PCDH15: variants seen among roughly 807,000 people sequenced by gnomAD.
The protein encoded by PCDH15 is protocadherin related 15.
A neutral mutation model predicts 178.5 loss-of-function variants in PCDH15; 129 were observed. The ratio of observed to expected loss-of-function variants is 0.72; its 90% CI spans 0.63 to 0.84. PCDH15 has a LOEUF of 0.84. PCDH15 is among the 40% of genes least tolerant of loss of function. The pLI is 0.00. For missense variants in PCDH15, 2,230 were observed against 2,099.9 expected, an observed-to-expected ratio of 1.06 and a Z score of -1.21; for synonymous variants, 800 against 732.0, an observed-to-expected ratio of 1.09 and a Z score of -1.50.
chr10:55,565,082 A>G (rs1178313173), intron 2 of PCDH15, among the ~76,000 whole-genome samples: 1 of 151,746 alleles, frequency 6.6e-6, no homozygotes, highest in Non-Finnish European at 1.5e-5. Flanking sequence ...AATGTTTTCC[A>G]GGACGGATTA....
intron 1 of PCDH15, among the ~76,000 whole-genome samples, chr10:55,306,086 G>GACCC (rs1843417458): frequency 6.6e-6 from 1 of 152,064 alleles, no homozygotes; most frequent in Non-Finnish European, 1.5e-5. Context: ...GTAAATGGTA[G>GACCC]ACCCACCCAA....
At chr10:55,304,224 G>T (rs896647518) in intron 1 of PCDH15, among the ~76,000 whole-genome samples, 6 of 152,030 alleles carry the variant, frequency 3.9e-5, no homozygotes, top group African/African-American at 1.4e-4. Context: ...ATGCTCAGCT[G>T]CACTTTTCCT....
At chr10:55,419,965 A>C (rs2132044167) in intron 2 of PCDH15, among the ~76,000 whole-genome samples, 1 of 151,844 alleles carries the variant, frequency 6.6e-6, no homozygotes, top group Non-Finnish European at 1.5e-5. Context: ...ATGGCTCATT[A>C]GCGAAAATTA....
chr10:54,347,579 C>CATA (rs1460814215), intron 5 of PCDH15, among the ~76,000 whole-genome samples: 1 of 152,138 alleles, frequency 6.6e-6, no homozygotes, highest in African/African-American at 2.4e-5. Flanking sequence ...TTGCCTTATT[C>CATA]AGTTTTACTT....
intron 2 of PCDH15, among the ~76,000 whole-genome samples, chr10:55,151,738 C>T (rs1161154587): frequency 6.6e-6 from 1 of 151,974 alleles, no homozygotes; most frequent in Non-Finnish European, 1.5e-5. Context: ...TAAAATATAA[C>T]TGACTTTTAT....
chr10:54,432,554 C>G (rs1052670094), intron 3 of PCDH15, among the ~76,000 whole-genome samples: 6 of 152,110 alleles, frequency 3.9e-5, no homozygotes, highest in Admixed American at 3.9e-4. Context: ...TGACCCCTAT[C>G]TACTGCCATA....
At chr10:55,582,616 ATATATATATATATT>A (rs1410853207) in intron 2 of PCDH15, among the ~76,000 whole-genome samples, 3 of 88,996 alleles carry the variant, frequency 3.4e-5, no homozygotes, top group African/African-American at 1.8e-4. Flanking sequence ...ATATATATAT[ATATATATATATATT>A]TTTTTTTTTT....
intron 15 of PCDH15, among the ~76,000 whole-genome samples, chr10:54,120,520 C>T (rs1420986885): frequency 6.6e-6 from 1 of 152,014 alleles, no homozygotes; most frequent in Non-Finnish European, 1.5e-5. Context: ...CTGCTGTCTC[C>T]AAGAGACCCA....
rs7913721 is a variant in PCDH15, at chr10:55,286,664, T to C, written c.-156+32935A>G. On this transcript the variant is annotated intron_variant, in intron 1 of 5. Transcript: ENST00000458638. ...ATGTATTTTAAAACTTGGCCAAGTC[T>C]GAGGCCAAAATGAGCTTCCCATTTG... Among the ~76,000 whole-genome samples, 179 of 152,124 alleles carry C rather than the reference T, an allele frequency of 1.2e-3. 1 individual carries two copies. Among genetic ancestry groups the C allele is most frequent in the African/African-American group, 4.0e-3 (168 of 41,558 alleles).
intron 1 of PCDH15, among the ~76,000 whole-genome samples, chr10:54,670,387 T>C (rs1270086843): frequency 6.6e-6 from 1 of 152,160 alleles, no homozygotes; most frequent in East Asian, 1.9e-4. Flanking sequence ...TCTTGGAGAA[T>C]TCAAATCAGT....
intron 2 of PCDH15, chr10:54,655,010 G>A (rs1203835092): frequency 1.3e-5 from 2 of 152,282 alleles, no homozygotes; most frequent in African/African-American, 4.8e-5. Context: ...AGGAGATCGA[G>A]ACCATCCTAG....
intron 3 of PCDH15, among the ~76,000 whole-genome samples, chr10:54,515,737 G>A (rs765412817): frequency 6.6e-6 from 1 of 152,184 alleles, no homozygotes; most frequent in Non-Finnish European, 1.5e-5. Context: ...CCCCAGTAGG[G>A]GCAGACTGAC....
chr10:54,731,341 G>GA (rs1451972151), intron 1 of PCDH15, among the ~76,000 whole-genome samples: 1 of 150,042 alleles, frequency 6.7e-6, no homozygotes, highest in East Asian at 2.0e-4. Context: ...CAACCACTAT[G>GA]AAAAAAAGTA....
intron 13 of PCDH15, among the ~76,000 whole-genome samples, chr10:54,177,907 A>G (rs1564612779): frequency 6.6e-6 from 1 of 152,220 alleles, no homozygotes; most frequent in Non-Finnish European, 1.5e-5. Context: ...TGTCATGTCC[A>G]GCTGATATCT....
chr10:54,344,641 G>A (rs142505479), intron 6 of PCDH15, among the ~76,000 whole-genome samples: 16 of 151,886 alleles, frequency 1.1e-4, no homozygotes, highest in South Asian at 2.1e-4. Context: ...GAAACATGGC[G>A]CACACGTACA....
At position 53,825,319 on chromosome 10, in the gene PCDH15, T is replaced by TTTAA. The variant is rs145708230; in HGVS notation, c.4367+2070_4367+2073dup. Among the ~76,000 whole-genome samples the TTTAA allele has an allele frequency of 4.0e-3, 607 of 152,152 alleles. 4 individuals are homozygous for TTTAA. The highest frequency in any genetic ancestry group is 0.014 in the African/African-American group (574 of 41,566). On this transcript the variant is annotated intron_variant, in intron 32 of 37. Transcript: ENST00000644397. Reference sequence around the variant, plus strand: ...TTTGTTATTATTCATATGAATGACATTTAATAGTAGATGAAATCAAATGAC... The same window carrying TTTAA: ...TTTGTTATTATTCATATGAATGACATTTAATTAATAGTAGATGAAATCAAATGAC...
intron 2 of PCDH15, among the ~76,000 whole-genome samples, chr10:55,473,260 A>C (rs1210561078): frequency 6.6e-6 from 1 of 152,136 alleles, no homozygotes. Flanking sequence ...CTACAGCTAT[A>C]GCTTTCTTTT....
At chr10:54,393,393 T>C (rs1167457459) in intron 3 of PCDH15, among the ~76,000 whole-genome samples, 1 of 152,222 alleles carries the variant, frequency 6.6e-6, no homozygotes, top group African/African-American at 2.4e-5. Context: ...ATTACATTTT[T>C]AGCACTTACC....
intron 2 of PCDH15, among the ~76,000 whole-genome samples, chr10:54,987,704 A>T: frequency 7.0e-6 from 1 of 142,580 alleles, no homozygotes; most frequent in Admixed American, 6.9e-5. Flanking sequence ...CCACTTTTTG[A>T]TGTTTTTTTT....
Sources: allele counts gnomAD v4.1 joint callset (sites outside exome capture counted in the v4.1 genomes callset), GRCh38; gene constraint gnomAD v4.1.1; transcripts MANE v1.5; gene names NCBI Gene and HGNC (gene_info 2026-07-23, HGNC 2026-07-21).